Variants in SUCLG2 observed in about 807,000 individuals in gnomAD.
The protein encoded by SUCLG2 is succinate--CoA ligase [GDP-forming] subunit beta, mitochondrial.
In SUCLG2, 42 loss-of-function variants were observed where a neutral mutation model predicts 47.9. The ratio of observed to expected loss-of-function variants is 0.88; its 90% CI spans 0.69 to 1.14. The LOEUF (loss-of-function observed/expected upper bound fraction) is 1.14, where lower values mean the gene tolerates loss of function less well. Among genes scored for constraint, SUCLG2 ranks in the 50% most tolerant of loss-of-function variants. The pLI is 0.00. For synonymous variants in SUCLG2, 195 were observed against 197.3 expected, an observed-to-expected ratio of 0.99 and a Z score of 0.10; for missense variants, 571 against 525.9, an observed-to-expected ratio of 1.09 and a Z score of -0.84.
chr3:67,435,717 G>A (rs1397043813), intron 9 of SUCLG2, among the ~76,000 whole-genome samples: 1 of 152,134 alleles, frequency 6.6e-6, no homozygotes, highest in Non-Finnish European at 1.5e-5. Flanking sequence ...AGAAAGATGG[G>A]CCCTAAATGT....
At chr3:67,569,670 T>C (rs1707558323) in intron 2 of SUCLG2, among the ~76,000 whole-genome samples, 1 of 152,248 alleles carries the variant, frequency 6.6e-6, no homozygotes, top group South Asian at 2.1e-4. Context: ...TGTTCGCCTA[T>C]TTGGGAAGCA....
intron 10 of SUCLG2, among the ~76,000 whole-genome samples, chr3:67,365,642 G>A (rs1701864522): frequency 6.6e-6 from 1 of 152,138 alleles, no homozygotes; most frequent in Admixed American, 6.5e-5. Context: ...AATCTAACAT[G>A]TATGACTAAG....
At chr3:67,518,223 A>G (rs768326671) in intron 6 of SUCLG2, 24 bp downstream of exon 6, 106 of 1,584,018 alleles carry the variant, frequency 6.7e-5, no homozygotes, top group Non-Finnish European at 8.4e-5. Context: ...AGTCAGACAC[A>G]CCATCCCCCA....
intron 9 of SUCLG2, among the ~76,000 whole-genome samples, chr3:67,457,023 G>T (rs1048893722): frequency 6.6e-6 from 1 of 152,090 alleles, no homozygotes; most frequent in African/African-American, 2.4e-5. Context: ...TTAGCAAAAA[G>T]AAAAACATTC....
At chr3:67,524,824 TC>T (rs139253491) in intron 4 of SUCLG2, among the ~76,000 whole-genome samples, 15,710 of 152,118 alleles carry the variant, frequency 0.1, 1,193 homozygotes, top group East Asian at 0.24. Flanking sequence ...GTAGTGAGTC[TC>T]CTATGTTTTC....
chr3:67,520,337 C>T lies in SUCLG2; in HGVS notation c.570+145G>A, dbSNP rs926388308. 18 of 1,174,480 alleles carry T rather than the reference C, an allele frequency of 1.5e-5. 1 individual carries two copies. In the Admixed American group the frequency reaches 4.0e-4, roughly 26 times the overall value. 72.8% of individuals were successfully genotyped at this position (1,174,480 alleles called of 1,614,324 possible). A position where few individuals can be genotyped will look rare whatever the true frequency, so the allele number is the denominator to read the frequency against. Reference sequence around the variant, plus strand: ...TTCCACCCAACTTTCAACTGGATACCCAGAAAGAAAAAGGGCTCAGCATCT... The same window carrying T: ...TTCCACCCAACTTTCAACTGGATACTCAGAAAGAAAAAGGGCTCAGCATCT... On this transcript the variant is annotated intron_variant, in intron 5 of 10. Coordinates refer to ENST00000307227, the MANE Select transcript of SUCLG2 (RefSeq NM_003848.4).
intron 9 of SUCLG2, among the ~76,000 whole-genome samples, chr3:67,439,849 C>G (rs1464372996): frequency 2.0e-5 from 3 of 152,100 alleles, no homozygotes; most frequent in Non-Finnish European, 4.4e-5. Context: ...CAAGCTACCA[C>G]TGACTTTCTT....
intron 9 of SUCLG2, among the ~76,000 whole-genome samples, chr3:67,473,580 C>T (rs996848340): frequency 3.3e-5 from 5 of 152,198 alleles, no homozygotes; most frequent in South Asian, 2.1e-4. Flanking sequence ...TTTGACTACA[C>T]GATACAACAC....
At chr3:67,363,866 C>T (rs1701841297) in intron 10 of SUCLG2, among the ~76,000 whole-genome samples, 2 of 147,644 alleles carry the variant, frequency 1.4e-5, no homozygotes, top group South Asian at 2.2e-4. Context: ...TATAAGATGG[C>T]TTTGAAAGGT....
chr3:67,528,732 C>T (rs943919717), intron 3 of SUCLG2, among the ~76,000 whole-genome samples: 1 of 152,036 alleles, frequency 6.6e-6, no homozygotes, highest in African/African-American at 2.4e-5. Context: ...GGGGAGGTAC[C>T]CCAGATGCCA....
At chr3:67,420,758 A>G (rs1307973335) in intron 9 of SUCLG2, among the ~76,000 whole-genome samples, 2 of 151,948 alleles carry the variant, frequency 1.3e-5, no homozygotes, top group African/African-American at 4.8e-5. Flanking sequence ...CACACACACA[A>G]AGACATACAC....
intron 2 of SUCLG2, among the ~76,000 whole-genome samples, chr3:67,568,639 G>A (rs1707530329): frequency 6.6e-6 from 1 of 152,178 alleles, no homozygotes; most frequent in Admixed American, 6.5e-5. Context: ...TGTAATCCCA[G>A]CACTTTGGGA....
intron 5 of SUCLG2, among the ~76,000 whole-genome samples, chr3:67,519,961 A>T (rs1303209242): frequency 1.3e-5 from 2 of 152,188 alleles, no homozygotes; most frequent in African/African-American, 4.8e-5. Context: ...TAATCTTAAT[A>T]TCAATAAATG....
intron 9 of SUCLG2, among the ~76,000 whole-genome samples, chr3:67,486,890 C>A (rs1192453027): frequency 1.3e-5 from 2 of 152,146 alleles, no homozygotes; most frequent in Non-Finnish European, 2.9e-5. Flanking sequence ...AAATTTTTCA[C>A]CACTCTGCAC....
At chr3:67,457,556 C>T (rs181615859) in intron 9 of SUCLG2, among the ~76,000 whole-genome samples, 44 of 151,802 alleles carry the variant, frequency 2.9e-4, no homozygotes, top group African/African-American at 9.7e-4. Flanking sequence ...AGAAGATGCC[C>T]GAGGAAAACT....
At chr3:67,538,788 G>A (rs1706617611) in intron 2 of SUCLG2, among the ~76,000 whole-genome samples, 1 of 152,120 alleles carries the variant, frequency 6.6e-6, no homozygotes, top group African/African-American at 2.4e-5. Flanking sequence ...CCTTGTAGTT[G>A]TATATCTAGG....
intron 10 of SUCLG2, among the ~76,000 whole-genome samples, chr3:67,367,298 C>T (rs1172165385): frequency 1.3e-5 from 2 of 151,884 alleles, no homozygotes; most frequent in Non-Finnish European, 2.9e-5. Context: ...ATTTATCCCC[C>T]CAAAAAGTAT....
intron 2 of SUCLG2, among the ~76,000 whole-genome samples, chr3:67,589,037 TC>T (rs1708093756): frequency 6.6e-6 from 1 of 152,112 alleles, no homozygotes; most frequent in African/African-American, 2.4e-5. Flanking sequence ...CTCCTTCCAC[TC>T]CCTGATGCCA....
intron 9 of SUCLG2, among the ~76,000 whole-genome samples, chr3:67,492,810 G>C (rs968453414): frequency 1.3e-5 from 2 of 152,114 alleles, no homozygotes; most frequent in African/African-American, 2.4e-5. Flanking sequence ...CTTGTGTTAG[G>C]TCCAAGTGAA....
Sources: gnomAD v4.1 joint callset for allele counts (sites outside exome capture counted in the v4.1 genomes callset) on GRCh38, gnomAD v4.1.1 for gene constraint, MANE v1.5 for transcripts, NCBI Gene and HGNC (gene_info 2026-07-23, HGNC 2026-07-21) for gene names.